The following IGFBP7 variants were observed in gnomAD, a reference collection of about 807,000 sequenced individuals.
IGFBP7 encodes the protein insulin like growth factor binding protein 7, also known as insulin-like growth factor-binding protein 7.
IGFBP7 carries 31 observed loss-of-function variants against 29.4 expected under a neutral mutation model. That is an observed-to-expected ratio of 1.05 (90% CI 0.79 to 1.42). The LOEUF (loss-of-function observed/expected upper bound fraction) is 1.42. IGFBP7 is among the 40% of genes most tolerant of loss of function. The pLI is 0.00. For missense variants in IGFBP7, 393 were observed against 395.5 expected, an observed-to-expected ratio of 0.99 and a Z score of 0.05; for synonymous variants, 172 against 174.9, an observed-to-expected ratio of 0.98 and a Z score of 0.13.
intron 1 of IGFBP7, among the ~76,000 whole-genome samples, chr4:57,107,475 G>A: frequency 6.6e-6 from 1 of 152,218 alleles, no homozygotes; most frequent in East Asian, 1.9e-4. Context: ...ACTCTGTCCA[G>A]TTTGCTTCTA....
chr4:57,047,376 A>G (rs1311317117), intron 1 of IGFBP7, among the ~76,000 whole-genome samples: 3 of 152,164 alleles, frequency 2.0e-5, no homozygotes, highest in African/African-American at 4.8e-5. Flanking sequence ...TCCATTAACC[A>G]TCTTTTTCTT....
At chr4:57,049,337 A>G (rs534119688) in intron 1 of IGFBP7, among the ~76,000 whole-genome samples, 9 of 152,140 alleles carry the variant, frequency 5.9e-5, no homozygotes, top group Non-Finnish European at 1.2e-4. Context: ...ATTGTACTAT[A>G]TATTTTTTGC....
intron 1 of IGFBP7, among the ~76,000 whole-genome samples, chr4:57,093,340 A>G (rs1327979415): frequency 3.3e-5 from 5 of 152,116 alleles, no homozygotes. Flanking sequence ...ATCTCTAGTA[A>G]AAATACAAAA....
At chr4:57,062,482 A>G (rs1006296860) in intron 1 of IGFBP7, among the ~76,000 whole-genome samples, 1 of 152,218 alleles carries the variant, frequency 6.6e-6, no homozygotes, top group South Asian at 2.1e-4. Flanking sequence ...GTGGTTCTGG[A>G]TAAGTAGCTT....
At position 57,088,544 on chromosome 4, in the gene IGFBP7, T is replaced by C. The variant is rs189804560; in HGVS notation, c.475+21333A>G. On this transcript the variant is annotated intron_variant, in intron 1 of 4. Coordinates refer to ENST00000295666, the MANE Select transcript of IGFBP7 (RefSeq NM_001553.3). ...GGGAAGAATGAAGGTAAAAGTACCATAGTATGACATTTGAGGGCTGTTTCT... is the reference window on the plus strand; with the variant it reads ...GGGAAGAATGAAGGTAAAAGTACCACAGTATGACATTTGAGGGCTGTTTCT... 1.4e-3 allele frequency among the ~76,000 whole-genome samples: 210 copies of C among 152,220 alleles called. 2 individuals carry two copies. Among genetic ancestry groups the C allele is most frequent in the Non-Finnish European group, 1.8e-4 (12 of 68,018 alleles).
At chr4:57,080,378 G>A (rs1391074985) in intron 1 of IGFBP7, among the ~76,000 whole-genome samples, 1 of 152,172 alleles carries the variant, frequency 6.6e-6, no homozygotes. Flanking sequence ...GAGTGCTCCA[G>A]CCTACAGGGG....
intron 1 of IGFBP7, among the ~76,000 whole-genome samples, chr4:57,079,743 C>T (rs566695362): frequency 4.6e-5 from 7 of 152,200 alleles, no homozygotes; most frequent in Non-Finnish European, 7.3e-5. Flanking sequence ...CAACATCTAA[C>T]AGCGCTTTTC....
intron 1 of IGFBP7, among the ~76,000 whole-genome samples, chr4:57,049,106 A>G (rs889531973): frequency 6.6e-6 from 1 of 152,178 alleles, no homozygotes; most frequent in African/African-American, 2.4e-5. Flanking sequence ...AACACGATGT[A>G]TGTGACTCAT....
intron 1 of IGFBP7, among the ~76,000 whole-genome samples, chr4:57,066,889 A>G (rs1413621744): frequency 2.0e-5 from 3 of 152,100 alleles, no homozygotes; most frequent in Admixed American, 6.6e-5. Flanking sequence ...AAGAAAAAAA[A>G]ACTGAATAAT....
At chr4:57,040,719 G>A in intron 2 of IGFBP7, 105 bp downstream of exon 2, 1 of 843,948 alleles carries the variant, frequency 1.2e-6, no homozygotes, top group Non-Finnish European at 2.0e-6. Context: ...CCTTGCGGGA[G>A]CCGCAGTCAA....
intron 1 of IGFBP7, among the ~76,000 whole-genome samples, chr4:57,061,855 G>T (rs115838156): frequency 6.6e-6 from 1 of 151,934 alleles, no homozygotes; most frequent in East Asian, 1.9e-4. Context: ...AATGAGATAG[G>T]GTCTTGCTAC....
At chr4:57,031,640 C>T (rs890272636) in intron 4 of IGFBP7, among the ~76,000 whole-genome samples, 3 of 152,234 alleles carry the variant, frequency 2.0e-5, no homozygotes, top group Non-Finnish European at 2.9e-5. Flanking sequence ...CTTTGTAGTC[C>T]GGATCTCCTT....
At chr4:57,075,130 A>G (rs899232368) in intron 1 of IGFBP7, among the ~76,000 whole-genome samples, 20 of 152,222 alleles carry the variant, frequency 1.3e-4, no homozygotes, top group African/African-American at 4.1e-4. Flanking sequence ...TTAAAATCCC[A>G]CAAATAAGAC....
chr4:57,033,144 T>C (rs1723984162), intron 3 of IGFBP7, 51 bp downstream of exon 3: 2 of 1,272,378 alleles, frequency 1.6e-6, no homozygotes, highest in African/African-American at 1.5e-5. Context: ...GGTCTGCTTA[T>C]GTCTAATGCT....
At chr4:57,098,608 C>T (rs1444576871) in intron 1 of IGFBP7, among the ~76,000 whole-genome samples, 2 of 152,222 alleles carry the variant, frequency 1.3e-5, no homozygotes, top group African/African-American at 4.8e-5. Flanking sequence ...CTCCGAAGCC[C>T]TGGCCTGTCA....
At chr4:57,034,973 A>C (rs1414020389) in intron 2 of IGFBP7, among the ~76,000 whole-genome samples, 1 of 152,230 alleles carries the variant, frequency 6.6e-6, no homozygotes, top group Non-Finnish European at 1.5e-5. Flanking sequence ...AGCTTTTGAA[A>C]TAGTTACTTA....
intron 2 of IGFBP7, among the ~76,000 whole-genome samples, chr4:57,040,112 C>T (rs1219904204): frequency 6.6e-6 from 1 of 152,128 alleles, no homozygotes; most frequent in Non-Finnish European, 1.5e-5. Context: ...GTGGTCTCCT[C>T]TGTCCCTAAC....
chr4:57,051,161 A>G (rs1346462678), intron 1 of IGFBP7, among the ~76,000 whole-genome samples: 2 of 152,146 alleles, frequency 1.3e-5, no homozygotes, highest in South Asian at 2.1e-4. Flanking sequence ...GGAAGGCACT[A>G]TGGCCAAGAT....
chr4:57,036,091 T>A (rs1724076970), intron 2 of IGFBP7, among the ~76,000 whole-genome samples: 1 of 152,242 alleles, frequency 6.6e-6, no homozygotes, highest in African/African-American at 2.4e-5. Flanking sequence ...AATTACAGTA[T>A]TCATACTTGG....
Sources: allele counts gnomAD v4.1 joint callset (sites outside exome capture counted in the v4.1 genomes callset), GRCh38; gene constraint gnomAD v4.1.1; transcripts MANE v1.5; gene names NCBI Gene and HGNC (gene_info 2026-07-23, HGNC 2026-07-21).